The following MNAT1 variants were observed in gnomAD, a reference collection of about 807,000 sequenced individuals.
The protein encoded by MNAT1 is CDK-activating kinase assembly factor MAT1.
In MNAT1, 43 loss-of-function variants were observed where a neutral mutation model predicts 42.0. That is an observed-to-expected ratio of 1.02 (90% CI 0.80 to 1.32). MNAT1 has a LOEUF of 1.32. MNAT1 is among the 40% of genes most tolerant of loss of function. The pLI, the probability that MNAT1 is intolerant of heterozygous loss-of-function variation, is 0.00. For synonymous variants in MNAT1, 118 were observed against 120.0 expected, an observed-to-expected ratio of 0.98 and a Z score of 0.11; for missense variants, 306 against 350.4, an observed-to-expected ratio of 0.87 and a Z score of 1.01.
At chr14:60,795,485 A>C (rs2031984468) in intron 1 of MNAT1, among the ~76,000 whole-genome samples, 1 of 152,196 alleles carries the variant, frequency 6.6e-6, no homozygotes, top group African/African-American at 2.4e-5. Flanking sequence ...AGCCCTTCTT[A>C]ATGTTGCACT....
intron 6 of MNAT1, among the ~76,000 whole-genome samples, chr14:60,872,677 T>G (rs1594820415): frequency 1.3e-5 from 2 of 152,170 alleles, no homozygotes; most frequent in African/African-American, 4.8e-5. Context: ...TAGCCATTTT[T>G]TTTTTCAAAA....
intron 7 of MNAT1, among the ~76,000 whole-genome samples, chr14:60,952,835 A>G (rs757737197): frequency 7.9e-5 from 12 of 152,158 alleles, no homozygotes; most frequent in Non-Finnish European, 1.5e-4. Context: ...CAGAGACAGA[A>G]TCAAGAATCA....
At chr14:60,948,702 A>G (rs1244903710) in intron 7 of MNAT1, among the ~76,000 whole-genome samples, 1 of 152,214 alleles carries the variant, frequency 6.6e-6, no homozygotes, top group African/African-American at 2.4e-5. Context: ...TATATCTCCT[A>G]GAAAACAGGG....
chr14:60,738,674 T>C (rs1309379847), intron 1 of MNAT1, among the ~76,000 whole-genome samples: 1 of 152,118 alleles, frequency 6.6e-6, no homozygotes, highest in Non-Finnish European at 1.5e-5. Context: ...TAGCTGGGAT[T>C]ACAGACATGC....
chr14:60,965,108 C>T (rs2036658885), intron 7 of MNAT1, among the ~76,000 whole-genome samples: 1 of 152,152 alleles, frequency 6.6e-6, no homozygotes, highest in South Asian at 2.1e-4. Context: ...CTCAACGACT[C>T]ATACTCACAG....
intron 3 of MNAT1, among the ~76,000 whole-genome samples, chr14:60,807,460 A>G (rs755808757): frequency 1.3e-5 from 2 of 152,160 alleles, no homozygotes; most frequent in Non-Finnish European, 2.9e-5. Flanking sequence ...CTAATAATGG[A>G]TGTAGAAAGA....
chr14:60,741,206 G>A (rs777551010), intron 1 of MNAT1, among the ~76,000 whole-genome samples: 14 of 151,896 alleles, frequency 9.2e-5, no homozygotes, highest in Admixed American at 1.3e-4. Context: ...GCATTTTTCC[G>A]TTCATTTACT....
Position 60,890,108 on chromosome 14 carries a change from C to T in MNAT1, c.809+10273C>T, listed in dbSNP as rs1350529520. Among the ~76,000 whole-genome samples, 5 of 152,256 alleles carry T rather than the reference C, an allele frequency of 3.3e-5. No individual in the cohort carries two copies. In the South Asian group the frequency reaches 6.2e-4, roughly 19 times the overall value. On this transcript the variant is annotated intron_variant, in intron 7 of 7. Transcript: ENST00000261245. ...CAGCCATCCCATTACTGGGTATATA[C>T]CCAAAGGACTATAAATCATGCTGCT...
At chr14:60,922,213 T>C (rs2035675867) in intron 7 of MNAT1, among the ~76,000 whole-genome samples, 1 of 152,184 alleles carries the variant, frequency 6.6e-6, no homozygotes, top group Non-Finnish European at 1.5e-5. Flanking sequence ...TTTTCAGTGA[T>C]GTAATGGGAA....
chr14:60,933,908 A>G (rs889541859), intron 7 of MNAT1, among the ~76,000 whole-genome samples: 4 of 152,224 alleles, frequency 2.6e-5, no homozygotes, highest in African/African-American at 9.6e-5. Flanking sequence ...GTTAACCTAA[A>G]AAAAGACACT....
chr14:60,788,981 C>T (rs918947894), intron 1 of MNAT1, among the ~76,000 whole-genome samples: 3 of 152,174 alleles, frequency 2.0e-5, no homozygotes, highest in African/African-American at 7.2e-5. Flanking sequence ...CCTTTGCATT[C>T]ATGACTTGGC....
intron 6 of MNAT1, among the ~76,000 whole-genome samples, chr14:60,855,022 G>C (rs1301200730): frequency 6.6e-6 from 1 of 152,194 alleles, no homozygotes; most frequent in African/African-American, 2.4e-5. Context: ...GCTCAGTGAA[G>C]AGGAATGTAG....
At chr14:60,949,014 T>C (rs1039561166) in intron 7 of MNAT1, among the ~76,000 whole-genome samples, 8 of 152,204 alleles carry the variant, frequency 5.3e-5, no homozygotes, top group Non-Finnish European at 1.0e-4. Context: ...TCTCACTTAT[T>C]TTACAAAGCA....
chr14:60,835,735 A>C (rs2033372740), intron 6 of MNAT1, among the ~76,000 whole-genome samples: 1 of 152,054 alleles, frequency 6.6e-6, no homozygotes, highest in African/African-American at 2.4e-5. Flanking sequence ...TTCGAGGATT[A>C]TCTTTGTGGT....
chr14:60,834,294 G>GTGGGCATT (rs2033313437), intron 6 of MNAT1, among the ~76,000 whole-genome samples: 2 of 147,678 alleles, frequency 1.4e-5, no homozygotes, highest in Admixed American at 6.7e-5. Context: ...TTCCCACTTC[G>GTGGGCATT]TACTGCCATA....
chr14:60,738,151 A>C (rs1232377793), intron 1 of MNAT1, among the ~76,000 whole-genome samples: 1 of 151,734 alleles, frequency 6.6e-6, no homozygotes, highest in Non-Finnish European at 1.5e-5. Flanking sequence ...TTGCCACACA[A>C]CTTTGCCTAT....
intron 3 of MNAT1, among the ~76,000 whole-genome samples, chr14:60,801,911 G>A (rs942796378): frequency 6.6e-6 from 1 of 152,104 alleles, no homozygotes; most frequent in African/African-American, 2.4e-5. Context: ...AAGAAAATGT[G>A]GTACATATGC....
chr14:60,900,915 G>T (rs2035058920), intron 7 of MNAT1, among the ~76,000 whole-genome samples: 1 of 151,034 alleles, frequency 6.6e-6, no homozygotes, highest in South Asian at 2.1e-4. Context: ...TGAGCCTGGG[G>T]AGGTTGAGGC....
intron 1 of MNAT1, among the ~76,000 whole-genome samples, chr14:60,747,235 T>TCCTC (rs771838463): frequency 4.0e-5 from 6 of 151,890 alleles, no homozygotes; most frequent in Non-Finnish European, 2.9e-5. Flanking sequence ...CTGCCCGCCC[T>TCCTC]GGCCTCCCAA....
Sources: gnomAD v4.1 joint callset for allele counts (sites outside exome capture counted in the v4.1 genomes callset) on GRCh38, gnomAD v4.1.1 for gene constraint, MANE v1.5 for transcripts, NCBI Gene and HGNC (gene_info 2026-07-23, HGNC 2026-07-21) for gene names.